The following GSE1 variants were observed in gnomAD, a reference collection of about 807,000 sequenced individuals.
GSE1 encodes Gse1 coiled-coil protein, also known as genetic suppressor element 1.
A neutral mutation model predicts 112.6 loss-of-function variants in GSE1; 32 were observed. The observed-to-expected ratio is 0.28, with a 90% CI of 0.21 to 0.38. The LOEUF (loss-of-function observed/expected upper bound fraction) is 0.38, where lower values mean the gene tolerates loss of function less well. Ranked by LOEUF, GSE1 falls within the 10% of genes least tolerant of loss-of-function variation. The pLI is 1.00. For synonymous variants in GSE1, 1,115 were observed against 735.6 expected (o/e 1.52, Z -8.35); for missense variants, 2,348 against 1,699.2 (o/e 1.38, Z -6.71).
rs571001494 is a variant in GSE1 at position 85,508,641 on chromosome 16, G to A, written c.2465-125273G>A. 4.3e-4 allele frequency among the ~76,000 whole-genome samples: 66 copies of A among 152,322 alleles called. No individual in the cohort carries two copies. In the South Asian group the frequency reaches 7.0e-3, roughly 16 times the overall value. Reference sequence around the variant, plus strand: ...TAAAACATCCTCGGGGAGGTGCCTCGTGGACACGTGGCAATAGTTACCCAG... The same window carrying A: ...TAAAACATCCTCGGGGAGGTGCCTCATGGACACGTGGCAATAGTTACCCAG... On this transcript the variant is annotated intron_variant, in intron 2 of 2. Transcript: ENST00000637419.
intron 1 of GSE1, among the ~76,000 whole-genome samples, chr16:85,348,135 G>A (rs1393949584): frequency 6.6e-6 from 1 of 152,032 alleles, no homozygotes; most frequent in Non-Finnish European, 1.5e-5. Context: ...GTTTGGCCAG[G>A]CCACCTACCT....
intron 1 of GSE1, among the ~76,000 whole-genome samples, chr16:85,171,991 G>C (rs2074366694): frequency 6.6e-6 from 1 of 152,222 alleles, no homozygotes; most frequent in Admixed American, 6.5e-5. Context: ...ACGTTGGCCT[G>C]GCTGACCTTG....
upstream of GSE1, among the ~76,000 whole-genome samples, chr16:85,552,069 A>T (rs1228735927): frequency 6.6e-6 from 1 of 150,966 alleles, no homozygotes; most frequent in African/African-American, 2.4e-5. Context: ...TCTGTCGCCC[A>T]GGCTGGAGTG....
At chr16:85,240,406 G>C (rs931937466) in intron 1 of GSE1, among the ~76,000 whole-genome samples, 3 of 152,220 alleles carry the variant, frequency 2.0e-5, no homozygotes, top group African/African-American at 7.2e-5. Context: ...CAAGGGGGAG[G>C]GGGGTGGAGT....
intron 2 of GSE1, among the ~76,000 whole-genome samples, chr16:85,474,431 G>A (rs1171239180): frequency 6.6e-6 from 1 of 152,116 alleles, no homozygotes; most frequent in Non-Finnish European, 1.5e-5. Context: ...GCGGGTGGGG[G>A]ACCTCGGGCA....
chr16:85,505,328 C>T (rs1460914414), intron 2 of GSE1, among the ~76,000 whole-genome samples: 3 of 152,224 alleles, frequency 2.0e-5, no homozygotes, highest in Middle Eastern at 3.2e-3. Context: ...ACCTCCCATG[C>T]ACGTGGGAGT....
chr16:85,248,948 G>C (rs537988806), intron 1 of GSE1, among the ~76,000 whole-genome samples: 1 of 152,200 alleles, frequency 6.6e-6, no homozygotes, highest in African/African-American at 2.4e-5. Context: ...AGCTTCCGGG[G>C]CGTTATATGA....
chr16:85,613,287 G>A, upstream of GSE1: 1 of 1,539,792 alleles, frequency 6.5e-7, no homozygotes, highest in Non-Finnish European at 8.8e-7. Flanking sequence ...GCGGGCCCGA[G>A]CTGCCGCCGC....
At chr16:85,535,811 C>T (rs971076873) in intron 2 of GSE1, among the ~76,000 whole-genome samples, 1 of 152,224 alleles carries the variant, frequency 6.6e-6, no homozygotes. Flanking sequence ...AAGCTGTTGC[C>T]GCAGGGCCAG....
At chr16:85,432,869 A>G (rs1246062310) in intron 2 of GSE1, among the ~76,000 whole-genome samples, 3 of 151,720 alleles carry the variant, frequency 2.0e-5, no homozygotes, top group Non-Finnish European at 2.9e-5. Flanking sequence ...ATTTTTGCCT[A>G]CCCCGGCACT....
chr16:85,590,986 G>A (rs1448134385), intron 1 of GSE1, among the ~76,000 whole-genome samples: 1 of 152,236 alleles, frequency 6.6e-6, no homozygotes, highest in African/African-American at 2.4e-5. Context: ...GCCCACAGCT[G>A]TGTGCCCTCC....
intron 1 of GSE1, among the ~76,000 whole-genome samples, chr16:85,187,111 G>A (rs1017218808): frequency 9.9e-5 from 15 of 152,208 alleles, no homozygotes; most frequent in Non-Finnish European, 1.5e-4. Flanking sequence ...TGTTTCTGTC[G>A]CCTCCAGGTC....
chr16:85,666,453 T>C, intron 13 of GSE1, 106 bp downstream of exon 13: 1 of 1,022,724 alleles, frequency 9.8e-7, no homozygotes. Context: ...CACAAGTTTT[T>C]ATAAACTCCA....
intron 2 of GSE1, among the ~76,000 whole-genome samples, chr16:85,634,956 G>GA (rs1192834633): frequency 6.6e-6 from 1 of 152,114 alleles, no homozygotes; most frequent in Non-Finnish European, 1.5e-5. Context: ...GACAGGCGGG[G>GA]GGGCTGAGGA....
At position 85,248,804 on chromosome 16, in the gene GSE1, A is replaced by G. The variant is rs547145846; in HGVS notation, c.2283+76997A>G. On this transcript the variant is annotated intron_variant, in intron 1 of 2. Transcript: ENST00000637419. The stretch of plus-strand genomic sequence containing the variant: ...AACTGCTTCCTCCCTTTGGGTGAAG[A>G]TACCAGGGTCCAGGCTGAGGTCCTG... Among the ~76,000 whole-genome samples the G allele has an allele frequency of 2.0e-5, 3 of 146,902 alleles. No individual in the cohort carries two copies. In the East Asian group the frequency reaches 5.8e-4, roughly 28 times the overall value.
chr16:85,511,033 A>T (rs1301969220), intron 2 of GSE1, among the ~76,000 whole-genome samples: 1 of 152,228 alleles, frequency 6.6e-6, no homozygotes, highest in East Asian at 1.9e-4. Flanking sequence ...GTAAAGCTCC[A>T]TGAAGACAAG....
chr16:85,217,185 C>T (rs2075318752), intron 1 of GSE1, among the ~76,000 whole-genome samples: 1 of 152,230 alleles, frequency 6.6e-6, no homozygotes, highest in South Asian at 2.1e-4. Flanking sequence ...TGTCAAGCTC[C>T]CTGTGACGCG....
At chr16:85,434,339 A>ATC (rs1555511288) in intron 2 of GSE1, among the ~76,000 whole-genome samples, 2 of 104,130 alleles carry the variant, frequency 1.9e-5, no homozygotes, top group African/African-American at 7.4e-5. Flanking sequence ...TAATAATAAT[A>ATC]ATAATAATCA....
At chr16:85,238,310 CTGTT>C (rs1904871244) in intron 1 of GSE1, among the ~76,000 whole-genome samples, 2 of 152,330 alleles carry the variant, frequency 1.3e-5, no homozygotes, top group South Asian at 2.1e-4. Context: ...CCCTCAGTGC[CTGTT>C]TGTTTTTCTT....
Sources: allele counts gnomAD v4.1 joint callset (sites outside exome capture counted in the v4.1 genomes callset), GRCh38; gene constraint gnomAD v4.1.1; transcripts MANE v1.5; gene names NCBI Gene and HGNC (gene_info 2026-07-23, HGNC 2026-07-21).